The following ARSH variants were observed in gnomAD, a reference collection of about 807,000 sequenced individuals.
ARSH encodes arylsulfatase family member H.
In ARSH, 32 loss-of-function variants were observed where a neutral mutation model predicts 28.7. The ratio of observed to expected loss-of-function variants is 1.11; its 90% CI spans 0.84 to 1.50. ARSH has a LOEUF of 1.50. Ranked by LOEUF, ARSH falls within the 40% of genes most tolerant of loss-of-function variation. ARSH has a pLI of 0.00. For missense variants in ARSH, 440 were observed against 452.4 expected (o/e 0.97, Z 0.25); for synonymous variants, 176 against 177.3 (o/e 0.99, Z 0.06).
Position 3,015,235 on chromosome X carries a change from C to G in ARSH, c.606C>G (p.Leu202=). 1 of 1,211,138 alleles carries G rather than the reference C, an allele frequency of 8.3e-7. No homozygotes were observed. The change falls in exon 4 of 9, where the codon CTC becomes CTG. Residue 202 remains leucine, a synonymous_variant. Coordinates refer to ENST00000381130, the MANE Select transcript of ARSH (RefSeq NM_001011719.2). ...GGAAGGTCATCTTTGTCTTTGCTCT[C>G]CTCGCCTTTCTGTTTTTCACTTCCT... The part of the protein sequence containing the change: ...VPWKVIFVFA[L]LAFLFFTSWY...
chrX:3,029,378 A>G lies in ARSH; in HGVS notation c.1321+10A>G, dbSNP rs774848602. The G allele has an allele frequency of 2.5e-6, 3 of 1,205,989 alleles. No homozygotes were observed. Among genetic ancestry groups the G allele is most frequent in the Non-Finnish European group, 3.4e-6 (3 of 892,170 alleles). The stretch of plus-strand genomic sequence containing the variant: ...TGGCATCAGAAGGACTGTAAGTATG[A>G]AGGCTGTGGACACGTGGAAAGACGA... On this transcript the variant is annotated intron_variant, in intron 8 of 8. Transcript: ENST00000381130.
chrX:3,025,888 A>G (rs983001016), intron 6 of ARSH, among the ~76,000 whole-genome samples: 7 of 110,882 alleles, frequency 6.3e-5, no homozygotes, highest in African/African-American at 2.3e-4. Flanking sequence ...AAAAGCACAC[A>G]TAACCCTGGA....
chrX:3,032,414 A>AAAGG (rs917854543), intron 8 of ARSH, among the ~76,000 whole-genome samples: 2 of 99,300 alleles, frequency 2.0e-5, no homozygotes, highest in South Asian at 4.8e-4. Flanking sequence ...GGAAGGAAGG[A>AAAGG]AAGGAAGGAA....
chrX:3,026,979 G>A (rs187847595), intron 6 of ARSH, among the ~76,000 whole-genome samples: 36 of 110,795 alleles, frequency 3.2e-4, no homozygotes, highest in Admixed American at 2.9e-3. Flanking sequence ...CTCCCGAGTA[G>A]GTGGGACTAC....
At chrX:3,008,120 G>A (rs369047335) in intron 1 of ARSH, among the ~76,000 whole-genome samples, 22 of 112,175 alleles carry the variant, frequency 2.0e-4, no homozygotes, top group Non-Finnish European at 3.6e-4. Context: ...TTCACTTAGC[G>A]TGATGTTTTC....
At chrX:3,015,949 CA>C (rs1302742527) in intron 4 of ARSH, among the ~76,000 whole-genome samples, 2 of 109,992 alleles carry the variant, frequency 1.8e-5, no homozygotes, top group Non-Finnish European at 3.8e-5. Flanking sequence ...AAAACCAAAA[CA>C]AAAACAAAAC....
chrX:3,018,965 G>A (rs1346549064), intron 5 of ARSH, among the ~76,000 whole-genome samples: 1 of 111,847 alleles, frequency 8.9e-6, no homozygotes, highest in East Asian at 2.8e-4. Context: ...GCACTGTAAA[G>A]TATATTGTAA....
chrX:3,033,217 C>A lies in ARSH; in HGVS notation c.1521C>A (p.Ile507=), dbSNP rs1327855411. 8.3e-7 allele frequency: 1 copy of A among 1,211,438 alleles called. No homozygotes were observed. The highest frequency in any genetic ancestry group is 2.2e-5 in the Admixed American group (1 of 45,976). ...ATGAGCCATTATTTGACTCCGTGAT[C>A]AAAAAGATGGAGGCAGCCATAAGAG... The part of the protein sequence containing the change: ...PDNEPLFDSV[I]KKMEAAIREH... Residue 507 remains isoleucine, a synonymous_variant, in exon 9 of 9, where the codon ATC becomes ATA. Transcript: ENST00000381130.
intron 2 of ARSH, among the ~76,000 whole-genome samples, chrX:3,011,808 CT>C (rs966275196): frequency 9.0e-6 from 1 of 111,561 alleles, no homozygotes; most frequent in African/African-American, 3.3e-5. Flanking sequence ...TATCTAGAGT[CT>C]ACTTTCTTCT....
chrX:3,009,017 C>T (rs756880166), intron 1 of ARSH, among the ~76,000 whole-genome samples: 97 of 110,970 alleles, frequency 8.7e-4, no homozygotes, highest in African/African-American at 3.0e-3. Flanking sequence ...ATGTATTAGA[C>T]AAACAAAATG....
rs369728930 is a variant in ARSH at position 3,015,238 on chromosome X, C to T, written c.609C>T (p.Leu203=). The T allele has an allele frequency of 2.8e-5, 34 of 1,209,188 alleles. No homozygotes were observed. Among genetic ancestry groups the T allele is most frequent in the African/African-American group, 8.8e-5 (5 of 57,015 alleles). ...AGGTCATCTTTGTCTTTGCTCTCCT[C>T]GCCTTTCTGTTTTTCACTTCCTGGT... ...PWKVIFVFAL[L]AFLFFTSWYS... The change falls in exon 4 of 9, where the codon CTC becomes CTT. Residue 203 remains leucine (L), a synonymous_variant. Transcript: ENST00000381130.
intron 1 of ARSH, among the ~76,000 whole-genome samples, chrX:3,008,478 T>TTTC (rs2089836391): frequency 9.9e-6 from 1 of 100,931 alleles, no homozygotes; most frequent in Non-Finnish European, 2.0e-5. Context: ...TCTTTCTTTC[T>TTTC]TTCTTTCTTT....
At chrX:3,008,128 T>G (rs2089834028) in intron 1 of ARSH, among the ~76,000 whole-genome samples, 1 of 112,131 alleles carries the variant, frequency 8.9e-6, no homozygotes, top group Non-Finnish European at 1.9e-5. Context: ...GCGTGATGTT[T>G]TCAAGGTTCA....
chrX:3,025,776 T>C (rs2089897385), intron 6 of ARSH, among the ~76,000 whole-genome samples: 1 of 110,307 alleles, frequency 9.1e-6, no homozygotes, highest in East Asian at 2.8e-4. Context: ...TAACGAAGTG[T>C]GATTATTACA....
intron 4 of ARSH, among the ~76,000 whole-genome samples, chrX:3,016,447 T>C (rs2089866693): frequency 8.9e-6 from 1 of 111,835 alleles, no homozygotes; most frequent in Admixed American, 9.6e-5. Context: ...TCTCTGTCCA[T>C]AAACTATTGG....
At chrX:3,008,469 C>CTTTCTT (rs2089835925) in intron 1 of ARSH, among the ~76,000 whole-genome samples, 1 of 93,570 alleles carries the variant, frequency 1.1e-5, no homozygotes, top group African/African-American at 4.0e-5. Context: ...TTCTTTCTTT[C>CTTTCTT]TTTCTTTCTT....
intron 5 of ARSH, among the ~76,000 whole-genome samples, chrX:3,021,366 T>C (rs1372662412): frequency 8.9e-6 from 1 of 112,078 alleles, no homozygotes; most frequent in Non-Finnish European, 1.9e-5. Context: ...TAATATTATT[T>C]GACACAGGAG....
intron 6 of ARSH, among the ~76,000 whole-genome samples, chrX:3,025,708 G>A (rs1379168084): frequency 8.2e-5 from 9 of 110,089 alleles, no homozygotes; most frequent in African/African-American, 2.6e-4. Flanking sequence ...GACTAAATTG[G>A]TGCTAAACCT....
Position 3,010,099 on chromosome X carries a change from G to A in ARSH, c.162G>A (p.Met54Ile). Reference protein sequence around the residue: ...RLTQHLAAASMCTPSRAAFLT... With the variant: ...RLTQHLAAASICTPSRAAFLT... ...CCCAGCATCTCGCAGCTGCTTCCAT[G>A]TGCACCCCAAGTCGGGCTGCCTTCC... The change falls in exon 2 of 9, where the codon ATG (methionine) becomes ATA (isoleucine). Residue 54 changes from methionine to isoleucine, a missense_variant. Transcript: ENST00000381130. 2.5e-6 allele frequency: 3 copies of A among 1,211,538 alleles called. No individual in the cohort carries two copies. Among genetic ancestry groups the A allele is most frequent in the Non-Finnish European group, 3.4e-6 (3 of 895,375 alleles).
Sources: gnomAD v4.1 joint callset for allele counts (sites outside exome capture counted in the v4.1 genomes callset) on GRCh38, gnomAD v4.1.1 for gene constraint, MANE v1.5 for transcripts, NCBI Gene and HGNC (gene_info 2026-07-23, HGNC 2026-07-21) for gene names.